FAM167A: variants seen among roughly 807,000 people sequenced by gnomAD.
FAM167A encodes family with sequence similarity 167 member A, also known as protein FAM167A.
Under a neutral mutation model 14.9 loss-of-function variants are expected in FAM167A, and 23 were observed. That is an observed-to-expected ratio of 1.55 (90% confidence interval 1.11 to 2.19). FAM167A has a LOEUF of 2.19. Ranked by LOEUF, FAM167A falls within the 30% of genes most tolerant of loss-of-function variation. The pLI, the probability that FAM167A is intolerant of heterozygous loss-of-function variation, is 0.00. For missense variants in FAM167A, 401 were observed against 281.5 expected, an observed-to-expected ratio of 1.42 and a Z score of -3.04; for synonymous variants, 174 against 117.7, an observed-to-expected ratio of 1.48 and a Z score of -3.10.
rs1807998968 is a variant in FAM167A at position 11,472,734 on chromosome 8, G to A, written c.-398+3132C>T. Among the ~76,000 whole-genome samples, 3 of 152,100 alleles carry A rather than the reference G, an allele frequency of 2.0e-5. No homozygotes were observed. In the South Asian group the frequency reaches 6.2e-4, roughly 32 times the overall value. ...GCCAGGAGATCCAGGTTCCAGGGTG[G>A]GCTCTTTTACTAACTGGAACTTTGT... On this transcript the variant is annotated intron_variant, in intron 1 of 1. Coordinates refer to the FAM167A transcript ENST00000648766.
At chr8:11,463,413 T>C (rs1807619253) in intron 1 of FAM167A, among the ~76,000 whole-genome samples, 1 of 152,154 alleles carries the variant, frequency 6.6e-6, no homozygotes, top group Admixed American at 6.5e-5. Context: ...ATCCAGAACC[T>C]TCCTGGGTGG....
chr8:11,445,611 T>TCCCCATCTCCAGAGAGGAGGCATAAG, intron 1 of FAM167A: 1 of 985,370 alleles, frequency 1.0e-6, no homozygotes, highest in African/African-American at 1.7e-5. Flanking sequence ...TGATGTGGCC[T>TCCCCATCTCCAGAGAGGAGGCATAAG]CCCCATCTCC....
intron 2 of FAM167A, 110 bp from the exon 3 acceptor site, chr8:11,424,746 A>C (rs980256350): frequency 7.0e-7 from 1 of 1,423,132 alleles, no homozygotes; most frequent in African/African-American, 1.4e-5. Context: ...TAAGTGGTCC[A>C]TCTAGAAATA....
chr8:11,464,384 C>G (rs774489054), intron 1 of FAM167A, among the ~76,000 whole-genome samples: 1 of 152,156 alleles, frequency 6.6e-6, no homozygotes, highest in African/African-American at 2.4e-5. Context: ...GATTGCAGAG[C>G]CAGTGAGGCT....
At chr8:11,432,901 A>C (rs935098817) in intron 2 of FAM167A, among the ~76,000 whole-genome samples, 1 of 152,238 alleles carries the variant, frequency 6.6e-6, no homozygotes, top group Non-Finnish European at 1.5e-5. Context: ...GGATGAGTTC[A>C]TGTCCTTTGC....
At chr8:11,465,378 C>A (rs749862897) in intron 1 of FAM167A, among the ~76,000 whole-genome samples, 9 of 152,174 alleles carry the variant, frequency 5.9e-5, no homozygotes, top group Non-Finnish European at 1.2e-4. Context: ...GGGAGCCACA[C>A]CAGGTCACTC....
chr8:11,461,001 G>A (rs1489882874), intron 1 of FAM167A, among the ~76,000 whole-genome samples: 3 of 152,252 alleles, frequency 2.0e-5, no homozygotes, highest in East Asian at 1.9e-4. Flanking sequence ...GGCTGGGAGC[G>A]CGGAAACCTT....
chr8:11,452,263 G>T (rs575978313), intron 1 of FAM167A, among the ~76,000 whole-genome samples: 1 of 152,200 alleles, frequency 6.6e-6, no homozygotes, highest in Non-Finnish European at 1.5e-5. Flanking sequence ...TGACAATTTC[G>T]CATATGAGTG....
chr8:11,439,712 T>C (rs1806312719), intron 2 of FAM167A, among the ~76,000 whole-genome samples: 1 of 152,216 alleles, frequency 6.6e-6, no homozygotes. Flanking sequence ...CACTACAAAC[T>C]GCCCATTAGG....
chr8:11,426,382 G>A lies in FAM167A; in HGVS notation c.382-1746C>T, dbSNP rs534762645. ...TCAGGACCTCATGAGACTGTTCCCT[G>A]GCCCATGGTCACTTACACTGGCTCA... On this transcript the variant is annotated intron_variant, in intron 2 of 2. Transcript: ENST00000284486. Among the ~76,000 whole-genome samples, 292 of 152,272 alleles carry A rather than the reference G, an allele frequency of 1.9e-3. 2 individuals are homozygous for A. The highest frequency in any genetic ancestry group is 3.5e-3 in the Non-Finnish European group (235 of 68,036).
chr8:11,470,470 G>T (rs529774298), upstream of FAM167A, among the ~76,000 whole-genome samples: 19 of 152,208 alleles, frequency 1.2e-4, no homozygotes, highest in Admixed American at 1.1e-3. Flanking sequence ...GGGCAGGGCA[G>T]GTGCTGCGGC....
intron 2 of FAM167A, among the ~76,000 whole-genome samples, chr8:11,425,914 A>G (rs1325678132): frequency 6.6e-6 from 1 of 152,210 alleles, no homozygotes; most frequent in Non-Finnish European, 1.5e-5. Context: ...ACATCTGTAG[A>G]GCATTTCCAT....
intron 2 of FAM167A, among the ~76,000 whole-genome samples, chr8:11,443,084 G>A (rs1400673508): frequency 2.0e-5 from 3 of 152,258 alleles, no homozygotes; most frequent in Non-Finnish European, 4.4e-5. Flanking sequence ...TGGCTCACCT[G>A]TGGCCAGAGT....
At chr8:11,431,081 C>G (rs1805551585) in intron 2 of FAM167A, among the ~76,000 whole-genome samples, 1 of 152,234 alleles carries the variant, frequency 6.6e-6, no homozygotes, top group African/African-American at 2.4e-5. Flanking sequence ...CAAATGAAGG[C>G]AAAAGCTAGA....
At chr8:11,467,841 G>C (rs962432907), upstream of FAM167A, among the ~76,000 whole-genome samples, 5 of 152,260 alleles carry the variant, frequency 3.3e-5, no homozygotes, top group Non-Finnish European at 5.9e-5. Context: ...AAGGTCCTCT[G>C]AGGGACGTCG....
chr8:11,445,406 GAAC>G (rs757237858), intron 1 of FAM167A: 255 of 985,654 alleles, frequency 2.6e-4, no homozygotes, highest in Non-Finnish European at 2.9e-4. Context: ...CTTCCTCCAA[GAAC>G]AACACCTTAC....
chr8:11,438,265 A>T (rs920178106), intron 2 of FAM167A: 16 of 404,190 alleles, frequency 4.0e-5, no homozygotes, highest in African/African-American at 2.5e-4. Context: ...CCTGCAAGAC[A>T]GCCAGGAAAG....
intron 2 of FAM167A, among the ~76,000 whole-genome samples, chr8:11,431,958 G>A (rs1805632944): frequency 6.6e-6 from 1 of 151,516 alleles, no homozygotes. Context: ...AGGCTGGCCG[G>A]GGTGACTCAA....
At chr8:11,442,701 C>G (rs1261976906) in intron 2 of FAM167A, among the ~76,000 whole-genome samples, 1 of 152,062 alleles carries the variant, frequency 6.6e-6, no homozygotes, top group African/African-American at 2.4e-5. Context: ...ATACCCCCCA[C>G]CAAGAGCACC....
Sources: gnomAD v4.1 joint callset for allele counts (sites outside exome capture counted in the v4.1 genomes callset) on GRCh38, gnomAD v4.1.1 for gene constraint, MANE v1.5 for transcripts, NCBI Gene and HGNC (gene_info 2026-07-23, HGNC 2026-07-21) for gene names.